KCNK13: variants seen among roughly 807,000 people sequenced by gnomAD.
KCNK13 encodes potassium channel subfamily K member 13.
A neutral mutation model predicts 23.4 loss-of-function variants in KCNK13; 12 were observed. The observed-to-expected ratio is 0.51, with a 90% CI of 0.33 to 0.83. KCNK13 has a LOEUF of 0.83. Among genes scored for constraint, KCNK13 ranks in the 40% least tolerant of loss-of-function variants. The probability of loss-of-function intolerance (pLI) is 0.02; values close to 1 mark genes in which losing one functional copy is unlikely to be tolerated. For synonymous variants in KCNK13, 231 were observed against 229.5 expected (o/e 1.01, Z -0.06); for missense variants, 463 against 556.3 (o/e 0.83, Z 1.69).
intron 1 of KCNK13, among the ~76,000 whole-genome samples, chr14:90,095,394 A>G (rs1472487501): frequency 6.6e-6 from 1 of 152,202 alleles, no homozygotes; most frequent in Admixed American, 6.5e-5. Flanking sequence ...TGGTAGCACC[A>G]TTTGAAACAA....
intron 1 of KCNK13, among the ~76,000 whole-genome samples, chr14:90,148,599 G>T (rs550672511): frequency 6.6e-6 from 1 of 152,238 alleles, no homozygotes; most frequent in Non-Finnish European, 1.5e-5. Flanking sequence ...TACTCCAGAG[G>T]TGCAGAGTGA....
At chr14:90,104,858 T>C (rs1021900782) in intron 1 of KCNK13, among the ~76,000 whole-genome samples, 1 of 150,574 alleles carries the variant, frequency 6.6e-6, no homozygotes, top group African/African-American at 2.4e-5. Flanking sequence ...GGCACGATCT[T>C]GGCTCACTGC....
intron 1 of KCNK13, among the ~76,000 whole-genome samples, chr14:90,141,199 G>A (rs1262491628): frequency 6.6e-6 from 1 of 152,186 alleles, no homozygotes; most frequent in Non-Finnish European, 1.5e-5. Flanking sequence ...TGCCTTCAAT[G>A]CAAACACACA....
At chr14:90,165,629 AAG>A (rs1467544435) in intron 1 of KCNK13, among the ~76,000 whole-genome samples, 2 of 152,230 alleles carry the variant, frequency 1.3e-5, no homozygotes, top group Non-Finnish European at 2.9e-5. Flanking sequence ...AATTTAGTTC[AAG>A]AGAGAACATA....
chr14:90,069,698 C>A (rs1889051599), intron 1 of KCNK13, among the ~76,000 whole-genome samples: 1 of 151,856 alleles, frequency 6.6e-6, no homozygotes, highest in African/African-American at 2.4e-5. Flanking sequence ...CCCACGAATG[C>A]ATTAATGATA....
intron 1 of KCNK13, among the ~76,000 whole-genome samples, chr14:90,180,345 T>C (rs1307839422): frequency 6.6e-6 from 1 of 152,160 alleles, no homozygotes; most frequent in Non-Finnish European, 1.5e-5. Flanking sequence ...TTATTCACCA[T>C]CTGAGCCATC....
intron 1 of KCNK13, among the ~76,000 whole-genome samples, chr14:90,174,459 G>A (rs1890400456): frequency 6.6e-6 from 1 of 152,170 alleles, no homozygotes; most frequent in African/African-American, 2.4e-5. Flanking sequence ...ATTATAATAT[G>A]AGGTGACATT....
chr14:90,130,461 A>C (rs944726590), intron 1 of KCNK13, among the ~76,000 whole-genome samples: 2 of 151,398 alleles, frequency 1.3e-5, no homozygotes, highest in African/African-American at 2.4e-5. Context: ...CGGCCTCCCA[A>C]AGTGTTGGGA....
Position 90,133,314 on chromosome 14 carries a change from G to A in KCNK13, c.335-50797G>A, listed in dbSNP as rs542954214. Among the ~76,000 whole-genome samples, 11 of 152,244 alleles carry A rather than the reference G, an allele frequency of 7.2e-5. No homozygotes were observed. In the South Asian group the frequency reaches 2.3e-3, roughly 32 times the overall value. On this transcript the variant is annotated intron_variant, in intron 1 of 1. Coordinates refer to ENST00000282146, the MANE Select transcript of KCNK13 (RefSeq NM_022054.4). ...ATATACTGTGTGATCCCATCTATAT[G>A]AAATGTCCACAACGGATAAATCTCT...
In KCNK13 at chr14:90,185,712, T is replaced by C. The variant is rs1305577147; in HGVS notation, c.*709T>C. 6.6e-6 allele frequency: 1 copy of C among 152,172 alleles called. No individual in the cohort carries two copies. Among genetic ancestry groups the C allele is most frequent in the Non-Finnish European group, 1.5e-5 (1 of 68,032 alleles). 9.4% of individuals were successfully genotyped at this position (152,172 alleles called of 1,614,324 possible). A position where few individuals can be genotyped will look rare whatever the true frequency, so the allele number is the denominator to read the frequency against. On this transcript the variant is annotated 3_prime_UTR_variant, in exon 2 of 2. Coordinates refer to ENST00000282146, the MANE Select transcript of KCNK13 (RefSeq NM_022054.4). Reference sequence around the variant, plus strand: ...GTGTGGGACGGGGAGAGACTCACTTTTGTAACTAAAGAACATAGCTTAACA... The same window carrying C: ...GTGTGGGACGGGGAGAGACTCACTTCTGTAACTAAAGAACATAGCTTAACA...
intron 1 of KCNK13, among the ~76,000 whole-genome samples, chr14:90,064,122 C>T (rs1035646105): frequency 7.9e-5 from 12 of 152,208 alleles, no homozygotes; most frequent in African/African-American, 2.9e-4. Context: ...CATCACCTCC[C>T]ACGTCCCAGA....
intron 1 of KCNK13, among the ~76,000 whole-genome samples, chr14:90,160,773 G>A (rs1021862029): frequency 1.3e-5 from 2 of 151,400 alleles, no homozygotes; most frequent in African/African-American, 4.9e-5. Flanking sequence ...AACCTGGGAG[G>A]TGGAGGTTGC....
chr14:90,064,973 C>T (rs1312994699), intron 1 of KCNK13, among the ~76,000 whole-genome samples: 2 of 151,982 alleles, frequency 1.3e-5, no homozygotes, highest in Non-Finnish European at 2.9e-5. Context: ...AACACTCCCC[C>T]GTTATAGATG....
chr14:90,070,210 T>A (rs1428660736), intron 1 of KCNK13, among the ~76,000 whole-genome samples: 1 of 152,220 alleles, frequency 6.6e-6, no homozygotes, highest in South Asian at 2.1e-4. Flanking sequence ...GGGGGAAAGG[T>A]GTATCTTAAA....
chr14:90,145,304 G>A (rs1319741269), intron 1 of KCNK13, among the ~76,000 whole-genome samples: 2 of 151,748 alleles, frequency 1.3e-5, no homozygotes, highest in Admixed American at 6.6e-5. Context: ...GAGGTGGGAG[G>A]ATCACCTGAG....
intron 1 of KCNK13, among the ~76,000 whole-genome samples, chr14:90,089,096 C>A (rs1212990371): frequency 6.6e-6 from 1 of 152,120 alleles, no homozygotes; most frequent in Non-Finnish European, 1.5e-5. Flanking sequence ...TGAAAAGATA[C>A]TTGAAAATGT....
At chr14:90,135,285 G>C (rs545749612) in intron 1 of KCNK13, among the ~76,000 whole-genome samples, 1 of 152,260 alleles carries the variant, frequency 6.6e-6, no homozygotes, top group East Asian at 1.9e-4. Flanking sequence ...GGGGAAGTGT[G>C]CTGCCGTCAA....
intron 1 of KCNK13, among the ~76,000 whole-genome samples, chr14:90,176,212 C>T (rs114281805): frequency 1.8e-3 from 272 of 152,310 alleles, no homozygotes; most frequent in African/African-American, 6.2e-3. Flanking sequence ...TGAATTTAGC[C>T]AAGCCTCCAC....
chr14:90,151,137 A>G (rs1596800443), intron 1 of KCNK13, among the ~76,000 whole-genome samples: 1 of 152,218 alleles, frequency 6.6e-6, no homozygotes, highest in Admixed American at 6.5e-5. Context: ...CTGTGGAACA[A>G]TGAACCAATT....
Sources: gnomAD v4.1 joint callset for allele counts (sites outside exome capture counted in the v4.1 genomes callset) on GRCh38, gnomAD v4.1.1 for gene constraint, MANE v1.5 for transcripts, NCBI Gene and HGNC (gene_info 2026-07-23, HGNC 2026-07-21) for gene names.